Variants in MACROD2 observed in about 807,000 individuals in gnomAD.
MACROD2 encodes mono-ADP ribosylhydrolase 2.
A neutral mutation model predicts 70.4 loss-of-function variants in MACROD2; 36 were observed. That is an observed-to-expected ratio of 0.51 (90% CI 0.39 to 0.68). The LOEUF is 0.68. MACROD2 is among the 30% of genes least tolerant of loss of function. The pLI is 0.00. For missense variants in MACROD2, 496 were observed against 538.4 expected (o/e 0.92, Z 0.78); for synonymous variants, 172 against 178.8 (o/e 0.96, Z 0.30).
intron 6 of MACROD2, among the ~76,000 whole-genome samples, chr20:15,370,132 G>A (rs370796617): frequency 2.6e-5 from 4 of 152,012 alleles, no homozygotes; most frequent in African/African-American, 7.2e-5. Context: ...AAGAAAGATC[G>A]GAAACCAAGA....
intron 10 of MACROD2, among the ~76,000 whole-genome samples, chr20:15,899,886 G>A (rs960167897): frequency 6.6e-6 from 1 of 151,926 alleles, no homozygotes; most frequent in African/African-American, 2.4e-5. Context: ...GCCAGTTTGA[G>A]GGATCTAATG....
intron 8 of MACROD2, among the ~76,000 whole-genome samples, chr20:15,726,243 G>A (rs2050861246): frequency 6.6e-6 from 1 of 152,098 alleles, no homozygotes; most frequent in Admixed American, 6.5e-5. Context: ...GATCCATGTT[G>A]CTGCAAAGGA....
chr20:14,298,067 G>C (rs961795861), intron 3 of MACROD2, among the ~76,000 whole-genome samples: 2 of 151,870 alleles, frequency 1.3e-5, no homozygotes, highest in Non-Finnish European at 2.9e-5. Flanking sequence ...CAGGTTTTCT[G>C]CATATTTTAA....
intron 5 of MACROD2, among the ~76,000 whole-genome samples, chr20:14,992,961 A>T (rs1814616084): frequency 6.6e-6 from 1 of 152,148 alleles, no homozygotes; most frequent in African/African-American, 2.4e-5. Flanking sequence ...GACATTAACC[A>T]TCCTGTCTTA....
chr20:14,758,117 A>C (rs937318094), intron 5 of MACROD2: 1 of 356,872 alleles, frequency 2.8e-6, no homozygotes. Context: ...AAAAAAAAAA[A>C]AGAAAAAATC....
chr20:15,707,817 C>T (rs1280717812), intron 8 of MACROD2, among the ~76,000 whole-genome samples: 4 of 148,002 alleles, frequency 2.7e-5, no homozygotes, highest in African/African-American at 5.1e-5. Context: ...ACTTACAAAA[C>T]GTAAAAAAAA....
chr20:15,494,776 T>TGTGTGTGTGTGTGC (rs368522802), intron 7 of MACROD2, among the ~76,000 whole-genome samples: 1 of 131,892 alleles, frequency 7.6e-6, no homozygotes, highest in African/African-American at 2.8e-5. Flanking sequence ...CGTGTGTGTG[T>TGTGTGTGTGTGTGC]GCGCGCGTGT....
intron 6 of MACROD2, among the ~76,000 whole-genome samples, chr20:15,288,534 TG>T (rs1460201584): frequency 6.6e-6 from 1 of 152,196 alleles, no homozygotes; most frequent in African/African-American, 2.4e-5. Flanking sequence ...TTATTAAGTG[TG>T]GGCAGTTACC....
intron 4 of MACROD2, among the ~76,000 whole-genome samples, chr20:14,530,642 A>G (rs532172587): frequency 6.6e-6 from 1 of 152,212 alleles, no homozygotes; most frequent in Non-Finnish European, 1.5e-5. Flanking sequence ...TATTTAAACT[A>G]TTAGCTCTAA....
rs201110834 is a variant in MACROD2 at position 14,075,991 on chromosome 20, TA to T, written c.164-9624del. On this transcript the variant is annotated intron_variant, in intron 2 of 17. Coordinates refer to ENST00000684519, the MANE Select transcript of MACROD2 (RefSeq NM_001351661.2). ...TAAAAATCTTCTCTATAAATATTAT[TA>T]AAAAACATTAACTCTCATATAGAAC... 8.5e-3 allele frequency among the ~76,000 whole-genome samples: 1,297 copies of T among 152,288 alleles called. 15 individuals carry two copies. The highest frequency in any genetic ancestry group is 0.03 in the African/African-American group (1,241 of 41,558).
intron 8 of MACROD2, among the ~76,000 whole-genome samples, chr20:15,567,892 T>C (rs538838125): frequency 6.6e-6 from 1 of 152,340 alleles, no homozygotes; most frequent in African/African-American, 2.4e-5. Flanking sequence ...AGCTGGAAAT[T>C]CAGATTTTTT....
chr20:14,425,365 A>T (rs1181365456), intron 3 of MACROD2, among the ~76,000 whole-genome samples: 1 of 152,206 alleles, frequency 6.6e-6, no homozygotes, highest in Non-Finnish European at 1.5e-5. Context: ...TTACATAATT[A>T]TATCAAAGTA....
In MACROD2 at chr20:14,225,302, A is replaced by G. The variant is rs564509280; in HGVS notation, c.271+139574A>G. Among the ~76,000 whole-genome samples the G allele has an allele frequency of 4.6e-5, 7 of 152,304 alleles. No homozygotes were observed. In the East Asian group the frequency reaches 1.3e-3, roughly 29 times the overall value. On this transcript the variant is annotated intron_variant, in intron 3 of 17. Coordinates refer to ENST00000684519, the MANE Select transcript of MACROD2 (RefSeq NM_001351661.2). ...TTTGAAAGGGGAAATTTAAATCAGG[A>G]TACTTTTAGTCTGTAAACATGACTA...
chr20:14,502,205 C>T (rs188471897), intron 4 of MACROD2, among the ~76,000 whole-genome samples: 2 of 152,142 alleles, frequency 1.3e-5, no homozygotes. Flanking sequence ...TTAACTGTAT[C>T]TGATGTAGCT....
chr20:15,108,948 A>G (rs2075933359), intron 5 of MACROD2, among the ~76,000 whole-genome samples: 1 of 152,188 alleles, frequency 6.6e-6, no homozygotes. Flanking sequence ...TCCACAGTCC[A>G]GATCTGCACA....
chr20:14,696,427 G>C (rs1284049111), intron 5 of MACROD2, among the ~76,000 whole-genome samples: 2 of 152,132 alleles, frequency 1.3e-5, no homozygotes, highest in Non-Finnish European at 2.9e-5. Flanking sequence ...AATGCTGTGA[G>C]CTAAGTGAAG....
At chr20:15,449,811 A>G (rs1304303840) in intron 7 of MACROD2, among the ~76,000 whole-genome samples, 1 of 152,004 alleles carries the variant, frequency 6.6e-6, no homozygotes, top group African/African-American at 2.4e-5. Flanking sequence ...TGACCAACGT[A>G]GTGAAAACCC....
chr20:15,844,074 A>G (rs1434702723), intron 8 of MACROD2, among the ~76,000 whole-genome samples: 11 of 151,968 alleles, frequency 7.2e-5, no homozygotes, highest in Admixed American at 7.2e-4. Context: ...GAGTAGCAAA[A>G]ATGTACATTT....
At chr20:14,806,316 G>A (rs1040796568) in intron 5 of MACROD2, among the ~76,000 whole-genome samples, 7 of 152,110 alleles carry the variant, frequency 4.6e-5, no homozygotes, top group Non-Finnish European at 1.0e-4. Flanking sequence ...ACCAGAAGCA[G>A]GGTGGGGCGT....
Sources: gnomAD v4.1 joint callset for allele counts (sites outside exome capture counted in the v4.1 genomes callset) on GRCh38, gnomAD v4.1.1 for gene constraint, MANE v1.5 for transcripts, NCBI Gene and HGNC (gene_info 2026-07-23, HGNC 2026-07-21) for gene names.